ALKBH8: variants seen among roughly 807,000 people sequenced by gnomAD.
ALKBH8 encodes the protein tRNA (carboxymethyluridine(34)-5-O)-methyltransferase ALKBH8.
A neutral mutation model predicts 59.8 loss-of-function variants in ALKBH8; 36 were observed. That is an observed-to-expected ratio of 0.60 (90% CI 0.46 to 0.79). ALKBH8 has a LOEUF of 0.79. Among genes scored for constraint, ALKBH8 ranks in the 30% least tolerant of loss-of-function variants. The probability of loss-of-function intolerance (pLI) is 0.00; values close to 1 mark genes in which losing one functional copy is unlikely to be tolerated. For missense variants in ALKBH8, 768 were observed against 801.0 expected, an observed-to-expected ratio of 0.96 and a Z score of 0.50; for synonymous variants, 276 against 273.6, an observed-to-expected ratio of 1.01 and a Z score of -0.09.
At chr11:107,556,289 A>C (rs112920147) in intron 3 of ALKBH8, among the ~76,000 whole-genome samples, 2,026 of 152,130 alleles carry the variant, frequency 0.013, 39 homozygotes, top group African/African-American at 0.046. Context: ...AAAAAGCAAA[A>C]AAATAAATAA....
intron 10 of ALKBH8, among the ~76,000 whole-genome samples, chr11:107,517,106 T>C (rs1243170783): frequency 1.3e-5 from 2 of 152,146 alleles, no homozygotes; most frequent in Non-Finnish European, 2.9e-5. Context: ...ACAGATAATC[T>C]GATTTAAAAA....
chr11:107,515,377 ACAGGGTCTCACTCTGT>A (rs1336025227), intron 10 of ALKBH8, among the ~76,000 whole-genome samples: 3 of 152,092 alleles, frequency 2.0e-5, no homozygotes, highest in African/African-American at 7.2e-5. Context: ...TTTTTTGGAG[ACAGGGTCTCACTCTGT>A]CACCCAGGCT....
At chr11:107,550,887 A>C (rs1437321686) in intron 6 of ALKBH8, among the ~76,000 whole-genome samples, 1 of 152,156 alleles carries the variant, frequency 6.6e-6, no homozygotes, top group Non-Finnish European at 1.5e-5. Flanking sequence ...CCTCACCAGG[A>C]ACCCAATCAA....
intron 7 of ALKBH8, among the ~76,000 whole-genome samples, chr11:107,536,020 C>T (rs1863800472): frequency 6.6e-6 from 1 of 152,220 alleles, no homozygotes; most frequent in East Asian, 1.9e-4. Flanking sequence ...TGTAATCTAA[C>T]TGGATGTCTA....
At chr11:107,509,846 A>G (rs145590109) in intron 11 of ALKBH8, among the ~76,000 whole-genome samples, 59 of 152,370 alleles carry the variant, frequency 3.9e-4, no homozygotes, top group African/African-American at 1.3e-3. Context: ...GATTGCAAAA[A>G]ATGGATATAG....
chr11:107,542,837 G>A (rs1295844662), intron 7 of ALKBH8, among the ~76,000 whole-genome samples: 2 of 152,174 alleles, frequency 1.3e-5, no homozygotes, highest in African/African-American at 2.4e-5. Context: ...TTGAGACTGG[G>A]AGGTCGAGGC....
chr11:107,540,661 T>TA (rs1368147726), intron 7 of ALKBH8, among the ~76,000 whole-genome samples: 2 of 152,200 alleles, frequency 1.3e-5, no homozygotes, highest in Non-Finnish European at 2.9e-5. Context: ...CTCTCACTTA[T>TA]ATACCATGGC....
In ALKBH8 at chr11:107,565,632, T is replaced by C. The variant is rs950760507; in HGVS notation, c.-38A>G. The stretch of plus-strand genomic sequence containing the variant: ...TTCGGCTCAGGCCGGATTCTCACCA[T>C]GCGTGTGCCTTCTTCTTTGCCAGCC... On this transcript the variant is annotated 5_prime_UTR_variant, in exon 1 of 12. The change abolishes an upstream ATG in the 5' untranslated region. Coordinates refer to ENST00000428149, the MANE Select transcript of ALKBH8 (RefSeq NM_138775.3). The C allele has an allele frequency of 3.3e-6, 5 of 1,535,618 alleles. No individual in the cohort carries two copies. The African/African-American group carries it at 6.8e-5, about 21-fold the overall frequency.
chr11:107,561,834 C>T (rs949823588), intron 1 of ALKBH8, among the ~76,000 whole-genome samples: 2 of 152,182 alleles, frequency 1.3e-5, no homozygotes, highest in Non-Finnish European at 2.9e-5. Flanking sequence ...AGTGAATACA[C>T]ACAGTCTCAG....
In ALKBH8 at chr11:107,532,284, A is replaced by G; in HGVS notation, c.878+16T>C. 1 of 1,599,246 alleles carries G rather than the reference A, an allele frequency of 6.3e-7. No homozygotes were observed. Among genetic ancestry groups the G allele is most frequent in the Non-Finnish European group, 8.6e-7 (1 of 1,169,418 alleles). The stretch of plus-strand genomic sequence containing the variant: ...TCTCATAAAGAAAAAGAATCCTGTC[A>G]TATTTCAATACATACCCATGGGTCC... On this transcript the variant is annotated intron_variant, in intron 8 of 11. Transcript: ENST00000428149.
intron 11 of ALKBH8, 91 bp from the exon 12 acceptor site, chr11:107,505,306 G>A: frequency 2.2e-6 from 2 of 894,358 alleles, no homozygotes; most frequent in Non-Finnish European, 3.2e-6. Flanking sequence ...CAATTAGGAT[G>A]AACAATAAGA....
chr11:107,506,784 A>C (rs1295644647), intron 11 of ALKBH8, among the ~76,000 whole-genome samples: 1 of 152,188 alleles, frequency 6.6e-6, no homozygotes, highest in Non-Finnish European at 1.5e-5. Context: ...CACTAAAGAA[A>C]ACAGCACAGA....
chr11:107,518,734 A>G (rs1243340952), intron 10 of ALKBH8, among the ~76,000 whole-genome samples: 1 of 152,224 alleles, frequency 6.6e-6, no homozygotes, highest in Non-Finnish European at 1.5e-5. Flanking sequence ...CATTTCCTAT[A>G]AGGGACACTT....
chr11:107,545,263 A>G (rs1864203857), intron 7 of ALKBH8, among the ~76,000 whole-genome samples: 1 of 152,174 alleles, frequency 6.6e-6, no homozygotes, highest in Admixed American at 6.5e-5. Flanking sequence ...TGTGCTAAAG[A>G]TCTGAAAATA....
chr11:107,507,625 G>A lies in ALKBH8; in HGVS notation c.1438-2410C>T, dbSNP rs539976171. 2.0e-5 allele frequency among the ~76,000 whole-genome samples: 3 copies of A among 152,244 alleles called. No individual in the cohort carries two copies. The South Asian group carries it at 6.2e-4, about 32-fold the overall frequency. The stretch of plus-strand genomic sequence containing the variant: ...GACAGGCCTGTGAGATTGTTTTACA[G>A]TTGAGCAACCTAAGTATTCAGAAAT... On this transcript the variant is annotated intron_variant, in intron 11 of 11. Coordinates refer to ENST00000428149, the MANE Select transcript of ALKBH8 (RefSeq NM_138775.3).
rs1009996434 is a variant in ALKBH8 at position 107,553,777 on chromosome 11, G to A, written c.499+70C>T. ...TTTTGAGGAAATATTAATAAACCAT[G>A]AAAGACAGAGGAAAGGAAGAAGAGT... On this transcript the variant is annotated intron_variant, in intron 4 of 11. Coordinates refer to ENST00000428149, the MANE Select transcript of ALKBH8 (RefSeq NM_138775.3). 6.6e-6 allele frequency: 10 copies of A among 1,504,126 alleles called. No individual in the cohort carries two copies. In the African/African-American group the frequency reaches 1.4e-4, roughly 21 times the overall value. The allele number at this position is 1,504,126 out of a possible 1,614,324, so 93.2% of individuals were successfully genotyped here.
intron 11 of ALKBH8, among the ~76,000 whole-genome samples, chr11:107,508,240 G>C (rs539841016): frequency 6.7e-6 from 1 of 149,192 alleles, no homozygotes; most frequent in Non-Finnish European, 1.5e-5. Context: ...GCACGATCTC[G>C]GCTCACTGCA....
At chr11:107,553,297 T>C (rs1864572203) in intron 4 of ALKBH8, 94 bp from the exon 5 acceptor site, 2 of 689,494 alleles carry the variant, frequency 2.9e-6, no homozygotes, top group Non-Finnish European at 4.7e-6. Flanking sequence ...ATTAGTTTAG[T>C]AATGGCAACT....
At chr11:107,543,953 G>A (rs375391820) in intron 7 of ALKBH8, among the ~76,000 whole-genome samples, 12 of 152,144 alleles carry the variant, frequency 7.9e-5, no homozygotes, top group South Asian at 2.1e-4. Context: ...CTTTGGCCCC[G>A]CAACAAAATA....
Sources: gnomAD v4.1 joint callset for allele counts (sites outside exome capture counted in the v4.1 genomes callset) on GRCh38, gnomAD v4.1.1 for gene constraint, MANE v1.5 for transcripts, NCBI Gene and HGNC (gene_info 2026-07-23, HGNC 2026-07-21) for gene names.